Variants in CCDC60 observed in about 807,000 individuals in gnomAD.
CCDC60 encodes coiled-coil domain containing 60, also known as coiled-coil domain-containing protein 60.
CCDC60 carries 54 observed loss-of-function variants against 63.5 expected under a neutral mutation model. The ratio of observed to expected loss-of-function variants is 0.85; its 90% CI spans 0.68 to 1.07. CCDC60 has a LOEUF of 1.07. CCDC60 is among the 50% of genes least tolerant of loss of function. The pLI, the probability that CCDC60 is intolerant of heterozygous loss-of-function variation, is 0.00. For missense variants in CCDC60, 651 were observed against 684.3 expected, an observed-to-expected ratio of 0.95 and a Z score of 0.54; for synonymous variants, 206 against 238.8, an observed-to-expected ratio of 0.86 and a Z score of 1.27.
At chr12:119,430,173 TACACAC>T (rs36071467) in intron 2 of CCDC60, among the ~76,000 whole-genome samples, 10,215 of 149,326 alleles carry the variant, frequency 0.068, 317 homozygotes, top group East Asian at 0.1. Flanking sequence ...CTGCCACACA[TACACAC>T]ACACACACAC....
intron 1 of CCDC60, chr12:119,402,562 TG>T (rs1956411576): frequency 6.6e-6 from 1 of 152,216 alleles, no homozygotes; most frequent in Non-Finnish European, 1.5e-5. Context: ...ATCTGTAAAA[TG>T]GAGATAATAG....
chr12:119,458,455 C>T (rs12371670), intron 2 of CCDC60, among the ~76,000 whole-genome samples: 15,034 of 152,082 alleles, frequency 0.099, 1,002 homozygotes, highest in East Asian at 0.3. Flanking sequence ...TTAAGTACAT[C>T]TGGGCTCTTA....
At chr12:119,400,112 C>T (rs192213029) in intron 1 of CCDC60, among the ~76,000 whole-genome samples, 210 of 147,824 alleles carry the variant, frequency 1.4e-3, no homozygotes, top group African/African-American at 4.4e-3. Context: ...TGCAGTGGCG[C>T]GATCTCAGCT....
chr12:119,390,371 T>TA, intron 1 of CCDC60, among the ~76,000 whole-genome samples: 1 of 152,330 alleles, frequency 6.6e-6, no homozygotes, highest in African/African-American at 2.4e-5. Context: ...TCCTGGTACT[T>TA]ACTATAATAA....
In CCDC60 at chr12:119,507,615, T is replaced by TATATA. The variant is rs1555253687; in HGVS notation, c.883+2312_883+2313insATATA. On this transcript the variant is annotated intron_variant, in intron 7 of 13. Coordinates refer to ENST00000327554, the MANE Select transcript of CCDC60 (RefSeq NM_178499.5). ...ACATATATATATATATATATATATA[T>TATATA]TTTTTTTTTTTTTTTCTAGAAACAG... Among the ~76,000 whole-genome samples, 20 of 19,152 alleles carry TATATA rather than the reference T, an allele frequency of 1.0e-3. 2 individuals are homozygous for TATATA. The highest frequency in any genetic ancestry group is 3.8e-3 in the South Asian group (2 of 532). The allele number at this position is 19,152 out of a possible 152,430, so 12.6% of individuals were successfully genotyped here. A position where few individuals can be genotyped will look rare whatever the true frequency, so the allele number is the denominator to read the frequency against.
chr12:119,537,471 T>C lies in CCDC60; in HGVS notation c.1552-3143T>C, dbSNP rs143635326. On this transcript the variant is annotated intron_variant, in intron 13 of 13. Coordinates refer to ENST00000327554, the MANE Select transcript of CCDC60 (RefSeq NM_178499.5). ...TTCCATTGCTGGCAAGGAGTTGCGA[T>C]CCTTTGGAGGAGAAGAGGTGCTCCA... Among the ~76,000 whole-genome samples the C allele has an allele frequency of 1.1e-4, 17 of 152,370 alleles. No individual in the cohort carries two copies. The East Asian group carries it at 3.3e-3, about 29-fold the overall frequency.
At position 119,345,354 on chromosome 12, in the gene CCDC60, T is replaced by G. The variant is rs897449352; in HGVS notation, c.90+10088T>G. Among the ~76,000 whole-genome samples the G allele has an allele frequency of 3.9e-5, 6 of 151,990 alleles. No homozygotes were observed. In the East Asian group the frequency reaches 1.2e-3, roughly 30 times the overall value. ...CCGTCTTTACTAAAAATACCAAAAT[T>G]AGCCAGGTGTGGTGGCATGTGCCTA... On this transcript the variant is annotated intron_variant, in intron 1 of 13. Transcript: ENST00000327554.
intron 11 of CCDC60, among the ~76,000 whole-genome samples, chr12:119,527,379 T>C (rs1464781194): frequency 2.0e-5 from 3 of 152,178 alleles, no homozygotes; most frequent in African/African-American, 4.8e-5. Context: ...TGTTTATCTA[T>C]GTAACAAATC....
At chr12:119,507,615 T>TATATATATATA (rs1555253687) in intron 7 of CCDC60, among the ~76,000 whole-genome samples, 1 of 19,158 alleles carries the variant, frequency 5.2e-5, no homozygotes, top group Non-Finnish European at 1.0e-4. Flanking sequence ...TATATATATA[T>TATATATATATA]TTTTTTTTTT....
At position 119,460,648 on chromosome 12, in the gene CCDC60, G is replaced by A. The variant is rs532520191; in HGVS notation, c.171-11346G>A. Among the ~76,000 whole-genome samples, 245 of 152,242 alleles carry A rather than the reference G, an allele frequency of 1.6e-3. 4 individuals carry two copies. In the South Asian group the frequency reaches 0.017, roughly 11 times the overall value. On this transcript the variant is annotated intron_variant, in intron 2 of 13. Transcript: ENST00000327554. ...AATGTCTTCTCACTCTTCTGGGTCC[G>A]TTGTGGATTTTGTTCACACGGACCC...
intron 7 of CCDC60, 106 bp downstream of exon 7, chr12:119,505,409 A>T (rs570242504): frequency 3.1e-5 from 22 of 711,672 alleles, no homozygotes; most frequent in Non-Finnish European, 2.4e-6. Context: ...TTTAAAGGTG[A>T]CATGGGATCC....
intron 6 of CCDC60, among the ~76,000 whole-genome samples, chr12:119,503,049 C>T (rs555785036): frequency 1.1e-3 from 161 of 152,094 alleles, no homozygotes; most frequent in African/African-American, 3.6e-3. Flanking sequence ...TGGTGGTGGG[C>T]ACCTGTAATA....
At chr12:119,469,704 C>T (rs1951020142) in intron 2 of CCDC60, among the ~76,000 whole-genome samples, 2 of 152,202 alleles carry the variant, frequency 1.3e-5, no homozygotes, top group African/African-American at 4.8e-5. Flanking sequence ...ATAGAGGCCA[C>T]AACAACTGCA....
intron 5 of CCDC60, among the ~76,000 whole-genome samples, chr12:119,494,871 T>C (rs1951684072): frequency 6.6e-6 from 1 of 152,100 alleles, no homozygotes; most frequent in Non-Finnish European, 1.5e-5. Context: ...TCCCAGCTAC[T>C]TGGGAAGGCT....
rs142110604 is a variant in CCDC60, at chr12:119,376,054, G to A, written c.90+40788G>A. ...ACCAAGAAATGTGGCTGTTGGAAGA[G>A]AGCCCACACACCCACGCCCATCTGG... On this transcript the variant is annotated intron_variant, in intron 1 of 13. Transcript: ENST00000327554. Among the ~76,000 whole-genome samples the A allele has an allele frequency of 4.6e-5, 7 of 152,304 alleles. No homozygotes were observed. In the East Asian group the frequency reaches 1.3e-3, roughly 29 times the overall value.
intron 1 of CCDC60, among the ~76,000 whole-genome samples, chr12:119,396,804 C>A (rs995268140): frequency 2.6e-5 from 4 of 152,186 alleles, no homozygotes; most frequent in Admixed American, 2.0e-4. Context: ...TCACTTGAGC[C>A]CAGCAGCTCC....
intron 1 of CCDC60, among the ~76,000 whole-genome samples, chr12:119,385,030 A>C (rs183020825): frequency 1.8e-4 from 28 of 152,246 alleles, no homozygotes; most frequent in Admixed American, 4.6e-4. Context: ...GCTTTTTCTA[A>C]TTTTTACAGA....
At chr12:119,341,019 C>G (rs1955526701) in intron 1 of CCDC60, among the ~76,000 whole-genome samples, 1 of 152,196 alleles carries the variant, frequency 6.6e-6, no homozygotes. Flanking sequence ...TTTCTCTCTC[C>G]AAGAGGTTCT....
chr12:119,508,220 C>T (rs924314445), intron 7 of CCDC60, among the ~76,000 whole-genome samples: 1 of 151,802 alleles, frequency 6.6e-6, no homozygotes, highest in South Asian at 2.1e-4. Context: ...TGGTAGCTCA[C>T]GCCTGTAATC....
Sources: gnomAD v4.1 joint callset for allele counts (sites outside exome capture counted in the v4.1 genomes callset) on GRCh38, gnomAD v4.1.1 for gene constraint, MANE v1.5 for transcripts, NCBI Gene and HGNC (gene_info 2026-07-23, HGNC 2026-07-21) for gene names.